The following WNK2 variants were observed in gnomAD, a reference collection of about 807,000 sequenced individuals.
The protein encoded by WNK2 is serine/threonine-protein kinase WNK2.
WNK2 carries 67 observed loss-of-function variants against 192.1 expected under a neutral mutation model. The observed-to-expected ratio is 0.35, with a 90% CI of 0.29 to 0.43. The LOEUF is 0.43. Ranked by LOEUF, WNK2 falls within the 20% of genes least tolerant of loss-of-function variation. The probability of loss-of-function intolerance (pLI) is 1.00; values close to 1 mark genes in which losing one functional copy is unlikely to be tolerated. For missense variants in WNK2, 2,698 were observed against 3,089.7 expected, an observed-to-expected ratio of 0.87 and a Z score of 3.01; for synonymous variants, 1,439 against 1,393.9, an observed-to-expected ratio of 1.03 and a Z score of -0.72.
Position 93,257,124 on chromosome 9 carries a change from T to C in WNK2, c.2367T>C (p.Ala789=). 1 of 1,608,460 alleles carries C rather than the reference T, an allele frequency of 6.2e-7. No individual in the cohort carries two copies. The highest frequency in any genetic ancestry group is 1.1e-5 in the South Asian group (1 of 90,882). Residue 789 remains alanine, a synonymous_variant, in exon 11 of 30, where the codon GCT becomes GCC. Coordinates refer to ENST00000427277, the MANE Select transcript of WNK2 (RefSeq NM_006648.4). The surrounding 1 kb of genome is among the most constrained non-coding windows in gnomAD (Gnocchi z 4.7). The part of the protein sequence containing the change: ...QMPQAPLQPL[A]QVPPQMPPIP... The stretch of plus-strand genomic sequence containing the variant: ...CACAGGCGCCCCTGCAGCCGCTTGC[T>C]CAAGTCCCTCCGCAGGTAATTCTAG...
At chr9:93,305,943 G>A (rs1484170653) in intron 26 of WNK2, among the ~76,000 whole-genome samples, 1 of 151,626 alleles carries the variant, frequency 6.6e-6, no homozygotes, top group Non-Finnish European at 1.5e-5. Context: ...CCTGCCTATA[G>A]GATAAGCAGG....
At chr9:93,224,786 TC>T (rs1193568380) in intron 2 of WNK2, among the ~76,000 whole-genome samples, 19 of 152,234 alleles carry the variant, frequency 1.2e-4, no homozygotes, top group African/African-American at 4.6e-4. Context: ...GGGAGGGGCA[TC>T]ACATTGAGTG....
chr9:93,256,056 T>C (rs1277317865), intron 9 of WNK2, among the ~76,000 whole-genome samples: 2 of 152,134 alleles, frequency 1.3e-5, no homozygotes, highest in Non-Finnish European at 1.5e-5. Context: ...TTTGTGGTTG[T>C]GTAATGTTCT....
intron 2 of WNK2, among the ~76,000 whole-genome samples, chr9:93,221,170 G>T (rs1219294513): frequency 6.6e-6 from 1 of 152,250 alleles, no homozygotes; most frequent in East Asian, 1.9e-4. Flanking sequence ...TGCTGGGCAT[G>T]GGGGCTTCCT....
intron 18 of WNK2, 110 bp from the exon 19 acceptor site, chr9:93,268,517 T>TA: frequency 6.7e-7 from 1 of 1,495,266 alleles, no homozygotes; most frequent in Non-Finnish European, 9.1e-7. Context: ...CCCATAGGTG[T>TA]AAAGGAGTTC....
At chr9:93,302,334 G>A (rs561140174) in intron 26 of WNK2, among the ~76,000 whole-genome samples, 7 of 152,216 alleles carry the variant, frequency 4.6e-5, no homozygotes, top group South Asian at 4.1e-4. Flanking sequence ...CTAGGAAGAC[G>A]CTGAGGTCGG....
intron 4 of WNK2, 97 bp downstream of exon 4, chr9:93,231,205 G>A: frequency 3.2e-6 from 4 of 1,234,872 alleles, no homozygotes; most frequent in Non-Finnish European, 4.7e-6. Context: ...ACCTGGTGCA[G>A]GAGACCCAGT....
intron 26 of WNK2, among the ~76,000 whole-genome samples, chr9:93,302,517 T>C (rs530284083): frequency 1.1e-4 from 17 of 152,280 alleles, no homozygotes; most frequent in African/African-American, 3.9e-4. Context: ...TCCCACTTCC[T>C]GGAAGAGAAA....
chr9:93,250,601 A>G (rs1842452086), intron 8 of WNK2, among the ~76,000 whole-genome samples: 1 of 152,214 alleles, frequency 6.6e-6, no homozygotes. Flanking sequence ...ATGCAACAGT[A>G]TGTCAGTTTT....
chr9:93,268,233 A>G (rs925323848), intron 18 of WNK2, among the ~76,000 whole-genome samples, 168 bp downstream of exon 18: 2 of 152,172 alleles, frequency 1.3e-5, no homozygotes, highest in Non-Finnish European at 2.9e-5. Context: ...GTCACCTGCA[A>G]CCGGCATCAC....
chr9:93,210,943 T>C (rs911343438), intron 2 of WNK2, among the ~76,000 whole-genome samples: 1 of 152,178 alleles, frequency 6.6e-6, no homozygotes, highest in Non-Finnish European at 1.5e-5. Flanking sequence ...TCTACCCTCA[T>C]GCGCTCATAT....
chr9:93,219,268 TCAA>T, intron 2 of WNK2, among the ~76,000 whole-genome samples: 1 of 152,202 alleles, frequency 6.6e-6, no homozygotes, highest in East Asian at 1.9e-4. Context: ...GTCCCATTGG[TCAA>T]CATGCCGTGG....
At chr9:93,233,962 A>C (rs1490605067) in intron 4 of WNK2, among the ~76,000 whole-genome samples, 4 of 152,206 alleles carry the variant, frequency 2.6e-5, no homozygotes, top group Non-Finnish European at 5.9e-5. Context: ...GTATTATGAA[A>C]GCTAAAGCTT....
chr9:93,198,957 G>T (rs748849675), intron 2 of WNK2, among the ~76,000 whole-genome samples: 1 of 152,198 alleles, frequency 6.6e-6, no homozygotes, highest in African/African-American at 2.4e-5. Flanking sequence ...GCCTGGGTCA[G>T]ACCCACTTGT....
chr9:93,225,659 A>G (rs1837689590), intron 2 of WNK2, among the ~76,000 whole-genome samples: 1 of 152,238 alleles, frequency 6.6e-6, no homozygotes, highest in Admixed American at 6.5e-5. Context: ...CTCTGAAACT[A>G]CAATGAAATC....
chr9:93,308,874 CCCAA>C, intron 28 of WNK2: 1 of 1,306,770 alleles, frequency 7.7e-7, no homozygotes, highest in Non-Finnish European at 9.8e-7. Flanking sequence ...GCCTGGGCAG[CCCAA>C]GCCCCGCACT....
chr9:93,282,852 G>GT (rs943949036), intron 19 of WNK2, among the ~76,000 whole-genome samples: 1 of 152,136 alleles, frequency 6.6e-6, no homozygotes, highest in African/African-American at 2.4e-5. Flanking sequence ...AGAATGCACT[G>GT]TTTTTTCATG....
rs1220685562 is a variant in WNK2 at position 93,289,956 on chromosome 9, CTT to C, written c.4867-18_4867-17del. ...GACCTGTGAGTCTCACGGCTCTTCT[CTT>C]TTTGTGTTTCTTTCTCCAGGTGGAG... On this transcript the variant is annotated intron_variant, in intron 20 of 29. Coordinates refer to ENST00000427277, the MANE Select transcript of WNK2 (RefSeq NM_006648.4). 6.4e-7 allele frequency: 1 copy of C among 1,553,776 alleles called. No homozygotes were observed. The highest frequency in any genetic ancestry group is 1.4e-5 in the African/African-American group (1 of 73,364).
chr9:93,247,935 A>C lies in WNK2; in HGVS notation c.1834+101A>C. ...AAATGAAGTCCTCTCCCTTTATTGG[A>C]ATGCTTTGTGAGGAAGGGGGTCCGC... is the stretch of plus-strand genomic sequence containing the variant. On this transcript the variant is annotated intron_variant, in intron 8 of 29. Transcript: ENST00000427277. The surrounding 1 kb of genome is among the most constrained non-coding windows in gnomAD (Gnocchi z 5.2). The C allele has an allele frequency of 1.5e-6, 2 of 1,335,496 alleles. No individual in the cohort carries two copies. The highest frequency in any genetic ancestry group is 2.0e-6 in the Non-Finnish European group (2 of 991,654). The allele number at this position is 1,335,496 out of a possible 1,614,324, so 82.7% of individuals were successfully genotyped here.
Sources: allele counts gnomAD v4.1 joint callset (sites outside exome capture counted in the v4.1 genomes callset), GRCh38; gene constraint gnomAD v4.1.1; non-coding constraint Gnocchi (gnomAD v3.1); transcripts MANE v1.5; gene names NCBI Gene and HGNC (gene_info 2026-07-23, HGNC 2026-07-21).